The following EXTL3 variants were observed in gnomAD, a reference collection of about 807,000 sequenced individuals.
EXTL3 encodes exostosin like glycosyltransferase 3.
EXTL3 carries 27 observed loss-of-function variants against 69.3 expected under a neutral mutation model. The ratio of observed to expected loss-of-function variants is 0.39; its 90% CI spans 0.29 to 0.54. The LOEUF is 0.54. Ranked by LOEUF, EXTL3 falls within the 20% of genes least tolerant of loss-of-function variation. The pLI is 0.69. For synonymous variants in EXTL3, 511 were observed against 499.4 expected (o/e 1.02, Z -0.31); for missense variants, 1,003 against 1,231.8 (o/e 0.81, Z 2.78).
chr8:28,668,472 C>T (rs376489785), intron 1 of EXTL3, among the ~76,000 whole-genome samples: 2 of 151,658 alleles, frequency 1.3e-5, no homozygotes, highest in Admixed American at 6.6e-5. Flanking sequence ...GCTGGGATTA[C>T]AGCCACAGTG....
upstream of EXTL3, chr8:28,696,983 T>C (rs1448024642): frequency 2.6e-5 from 4 of 152,242 alleles, no homozygotes; most frequent in Non-Finnish European, 5.9e-5. Flanking sequence ...ATTTTTACCG[T>C]CACTGGCTTA....
chr8:28,663,026 C>A (rs919960809), intron 1 of EXTL3, among the ~76,000 whole-genome samples: 1 of 152,208 alleles, frequency 6.6e-6, no homozygotes, highest in African/African-American at 2.4e-5. Context: ...TCTTTGAGCT[C>A]ATTCTGAGCC....
chr8:28,665,159 C>T (rs1299014715), intron 1 of EXTL3, among the ~76,000 whole-genome samples: 1 of 145,500 alleles, frequency 6.9e-6, no homozygotes. Flanking sequence ...GCAGGCTCCA[C>T]CTCCCAGGTT....
upstream of EXTL3, chr8:28,698,174 AAACTGTTGAATGTGAAGGTAAAGAGAG>A (rs1477326712): frequency 2.0e-5 from 3 of 152,222 alleles, no homozygotes; most frequent in African/African-American, 7.2e-5. Context: ...TAAGTCTTGG[AAACTGTTGAATGTGAAGGTAAAGAGAG>A]AAGTCAAAGA....
chr8:28,638,642 G>GT (rs1409757346), intron 1 of EXTL3, among the ~76,000 whole-genome samples: 2 of 152,060 alleles, frequency 1.3e-5, no homozygotes, highest in Admixed American at 6.6e-5. Flanking sequence ...GTTTTGTTTT[G>GT]TTTTTTGAGA....
At position 28,750,891 on chromosome 8, in the gene EXTL3, GGAT is replaced by G; in HGVS notation, c.*28_*30del. ...GGGGCAGCGCACGGTCTGGGGAAGAGGATGAGCAGAGGGAGGAAGATGGCTCCC... is the reference window on the plus strand; with the variant it reads ...GGGGCAGCGCACGGTCTGGGGAAGAGGAGCAGAGGGAGGAAGATGGCTCCC... On this transcript the variant is annotated 3_prime_UTR_variant, in exon 7 of 7. Coordinates refer to ENST00000220562, the MANE Select transcript of EXTL3 (RefSeq NM_001440.4). The surrounding 1 kb of genome is among the most constrained non-coding windows in gnomAD (Gnocchi z 5.2). The G allele has an allele frequency of 6.2e-7, 1 of 1,605,188 alleles. No homozygotes were observed. Among genetic ancestry groups the G allele is most frequent in the Non-Finnish European group, 8.5e-7 (1 of 1,172,794 alleles).
intron 3 of EXTL3, among the ~76,000 whole-genome samples, chr8:28,721,540 C>G (rs1181393517): frequency 6.6e-6 from 1 of 152,196 alleles, no homozygotes; most frequent in Non-Finnish European, 1.5e-5. Flanking sequence ...TTCCCTCCCT[C>G]TGAATTTTAG....
rs1165034943 is a variant in EXTL3 at position 28,717,874 on chromosome 8, C to T, written c.1815C>T (p.Asn605=). Residue 605 remains asparagine, a synonymous_variant, in exon 3 of 7, where the codon AAC becomes AAT. Transcript: ENST00000220562. The surrounding 1 kb of genome is among the most constrained non-coding windows in gnomAD (Gnocchi z 8.3). ...LTVTDFYRSW[N]CAPGPFHLFP... ...TCACTGACTTTTACCGCAGCTGGAA[C>T]TGTGCTCCAGGGCCTTTCCATCTTT... is the stretch of plus-strand genomic sequence containing the variant. The T allele has an allele frequency of 4.3e-6, 7 of 1,613,830 alleles. No homozygotes were observed. In the East Asian group the frequency reaches 1.6e-4, roughly 36 times the overall value.
At chr8:28,739,493 A>AT (rs1454067444) in intron 5 of EXTL3, among the ~76,000 whole-genome samples, 4 of 151,592 alleles carry the variant, frequency 2.6e-5, no homozygotes, top group African/African-American at 9.7e-5. Context: ...CACCTGGCTA[A>AT]TTTTTTTTGG....
chr8:28,678,575 G>T (rs748475610), intron 1 of EXTL3, among the ~76,000 whole-genome samples: 14 of 152,136 alleles, frequency 9.2e-5, no homozygotes, highest in Non-Finnish European at 1.9e-4. Flanking sequence ...CCCCATGAGT[G>T]AAAGCAGCCT....
chr8:28,673,809 T>G (rs973496858), intron 1 of EXTL3, among the ~76,000 whole-genome samples: 5 of 152,096 alleles, frequency 3.3e-5, no homozygotes, highest in Admixed American at 2.0e-4. Flanking sequence ...CTGGAAAACT[T>G]TGTATAGATT....
At chr8:28,715,043 C>T (rs192729210) in intron 2 of EXTL3, among the ~76,000 whole-genome samples, 4 of 152,366 alleles carry the variant, frequency 2.6e-5, no homozygotes, top group African/African-American at 7.2e-5. Flanking sequence ...CATTTTGTCT[C>T]AGGATTACTG....
At chr8:28,643,426 C>CTTTTTTTTTTTTTTTTTTTT (rs138680672) in intron 1 of EXTL3, among the ~76,000 whole-genome samples, 2 of 143,976 alleles carry the variant, frequency 1.4e-5, no homozygotes, top group Non-Finnish European at 3.0e-5. Context: ...TTCTTTTTTT[C>CTTTTTTTTTTTTTTTTTTTT]TTTTTTGAGA....
At chr8:28,749,275 G>C (rs560865688) in intron 6 of EXTL3, among the ~76,000 whole-genome samples, 5 of 152,026 alleles carry the variant, frequency 3.3e-5, no homozygotes, top group African/African-American at 4.8e-5. Context: ...CTTAAAATTA[G>C]TAACCTGAAA....
chr8:28,612,814 G>GCTCAAGCAATCCTCCCAC (rs2130532083), intron 2 of EXTL3, among the ~76,000 whole-genome samples: 1 of 152,186 alleles, frequency 6.6e-6, no homozygotes, highest in Non-Finnish European at 1.5e-5. Flanking sequence ...AACCTCCCAG[G>GCTCAAGCAATCCTCCCAC]CTCAAGCAAT....
At chr8:28,700,659 A>G (rs1262438885), upstream of EXTL3, 1 of 152,176 alleles carries the variant, frequency 6.6e-6, no homozygotes, top group Non-Finnish European at 1.5e-5. Context: ...TGTTCTGGGT[A>G]TTAAAAACAT....
chr8:28,633,129 A>G (rs1245559088), intron 1 of EXTL3, among the ~76,000 whole-genome samples: 2 of 152,006 alleles, frequency 1.3e-5, no homozygotes, highest in African/African-American at 4.8e-5. Flanking sequence ...ACTTGAGGCC[A>G]GGATTTCAAG....
At chr8:28,720,057 G>A (rs569733026) in intron 3 of EXTL3, among the ~76,000 whole-genome samples, 4 of 152,170 alleles carry the variant, frequency 2.6e-5, no homozygotes, top group Non-Finnish European at 5.9e-5. Flanking sequence ...TTAAAAAAGA[G>A]GAAATAGCTT....
At chr8:28,693,200 AGT>A (rs1800639632) in intron 1 of EXTL3, among the ~76,000 whole-genome samples, 1 of 139,556 alleles carries the variant, frequency 7.2e-6, no homozygotes, top group Admixed American at 7.8e-5. Context: ...CCCAGGCTGG[AGT>A]GCAATGGCAT....
Sources: allele counts gnomAD v4.1 joint callset (sites outside exome capture counted in the v4.1 genomes callset), GRCh38; gene constraint gnomAD v4.1.1; non-coding constraint Gnocchi (gnomAD v3.1); transcripts MANE v1.5; gene names NCBI Gene and HGNC (gene_info 2026-07-23, HGNC 2026-07-21).